The following EDEM1 variants were observed in gnomAD, a reference collection of about 807,000 sequenced individuals.
EDEM1 encodes the protein ER degradation-enhancing alpha-mannosidase-like protein 1.
Under a neutral mutation model 74.4 loss-of-function variants are expected in EDEM1, and 67 were observed. That is an observed-to-expected ratio of 0.90 (90% CI 0.74 to 1.10). EDEM1 has a LOEUF of 1.10. Among genes scored for constraint, EDEM1 ranks in the 50% least tolerant of loss-of-function variants. The probability of loss-of-function intolerance (pLI) is 0.00; values close to 1 mark genes in which losing one functional copy is unlikely to be tolerated. For synonymous variants in EDEM1, 382 were observed against 335.9 expected, an observed-to-expected ratio of 1.14 and a Z score of -1.50; for missense variants, 926 against 851.6, an observed-to-expected ratio of 1.09 and a Z score of -1.09.
rs1159601714 is a variant in EDEM1, at chr3:5,199,700, A to C, written c.686+5A>C. On this transcript the variant is annotated splice_donor_5th_base_variant and intron_variant, in intron 3 of 11. Coordinates refer to ENST00000256497, the MANE Select transcript of EDEM1 (RefSeq NM_014674.3). ...AGTCTTTGAGGCCACGATAAGGTAA[A>C]ATAATGAATATTCATAAAATGAATT... 94 of 1,603,344 alleles carry C rather than the reference A, an allele frequency of 5.9e-5. No individual in the cohort carries two copies. The highest frequency in any genetic ancestry group is 7.6e-5 in the Non-Finnish European group (89 of 1,174,096).
At chr3:5,207,009 C>G in intron 6 of EDEM1, 144 bp from the exon 7 acceptor site, 1 of 1,068,516 alleles carries the variant, frequency 9.4e-7, no homozygotes, top group Non-Finnish European at 1.3e-6. Context: ...TAAAGGCAGT[C>G]TGTCTGCAGA....
intron 1 of EDEM1, 85 bp downstream of exon 1, chr3:5,188,399 G>A (rs2054856479): frequency 7.7e-7 from 1 of 1,297,790 alleles, no homozygotes; most frequent in Non-Finnish European, 9.8e-7. Flanking sequence ...TGTCCTCCGG[G>A]GCCCCCGAGG....
Position 5,211,215 on chromosome 3 carries a change from T to C in EDEM1, c.1679T>C (p.Leu560Pro). The C allele has an allele frequency of 6.2e-7, 1 of 1,613,824 alleles. No homozygotes were observed. Among genetic ancestry groups the C allele is most frequent in the Non-Finnish European group, 8.5e-7 (1 of 1,179,716 alleles). The change falls in exon 10 of 12, where the codon CTG (leucine) becomes CCG (proline). Residue 560 changes from leucine (L) to proline (P), a missense_variant and splice_region_variant. Physicochemically the swap from Leu to Pro is moderately conservative, Grantham distance 98. Coordinates refer to ENST00000256497, the MANE Select transcript of EDEM1 (RefSeq NM_014674.3). ...FLSETCKYLYLLFDEDNPVHK... is the reference protein window; with the variant it reads ...FLSETCKYLYPLFDEDNPVHK... ...AGTGAGACCTGTAAATATTTGTATCTGGTATGTGTGTTGCAAGATGAACCC... is the reference window on the plus strand; with the variant it reads ...AGTGAGACCTGTAAATATTTGTATCCGGTATGTGTGTTGCAAGATGAACCC...
At chr3:5,195,703 A>G (rs954489260) in intron 2 of EDEM1, among the ~76,000 whole-genome samples, 1 of 152,222 alleles carries the variant, frequency 6.6e-6, no homozygotes, top group Admixed American at 6.5e-5. Context: ...TTGGAGCCCT[A>G]GCGCCCATCC....
chr3:5,206,282 A>G (rs1403572713), intron 6 of EDEM1, among the ~76,000 whole-genome samples: 1 of 149,858 alleles, frequency 6.7e-6, no homozygotes, highest in East Asian at 2.0e-4. Flanking sequence ...ATCTTGGCTC[A>G]CTGCAACCTC....
chr3:5,195,740 C>T (rs1329153418), intron 2 of EDEM1, among the ~76,000 whole-genome samples: 1 of 152,242 alleles, frequency 6.6e-6, no homozygotes, highest in Non-Finnish European at 1.5e-5. Context: ...AGAAACCCTT[C>T]TCTTTTATTT....
chr3:5,196,293 C>T (rs1161906468), intron 2 of EDEM1, among the ~76,000 whole-genome samples: 3 of 152,126 alleles, frequency 2.0e-5, no homozygotes, highest in Admixed American at 6.5e-5. Context: ...CCCTTCTCTA[C>T]TAAAAGTACA....
chr3:5,199,533 T>C (rs1297421191), intron 2 of EDEM1, 59 bp from the exon 3 acceptor site: 14 of 1,296,108 alleles, frequency 1.1e-5, no homozygotes, highest in Admixed American at 3.7e-5. Context: ...GCTGCTGTGA[T>C]GATACAGCCT....
chr3:5,206,019 T>C (rs1007630668), intron 6 of EDEM1, among the ~76,000 whole-genome samples: 1 of 152,132 alleles, frequency 6.6e-6, no homozygotes, highest in African/African-American at 2.4e-5. Context: ...TCTAATACTT[T>C]ACAAAGAACT....
chr3:5,214,385 A>G (rs542685129), intron 11 of EDEM1, among the ~76,000 whole-genome samples: 1 of 152,236 alleles, frequency 6.6e-6, no homozygotes, highest in African/African-American at 2.4e-5. Context: ...CTTTTCCGTT[A>G]ATGCCCCAGT....
intron 9 of EDEM1, 32 bp downstream of exon 9, chr3:5,210,280 C>T: frequency 6.3e-7 from 1 of 1,577,218 alleles, no homozygotes; most frequent in Non-Finnish European, 8.7e-7. Context: ...CTTTTTCTGT[C>T]AGCCACTTTT....
intron 5 of EDEM1, among the ~76,000 whole-genome samples, chr3:5,203,642 G>A (rs561862727): frequency 6.6e-6 from 1 of 152,164 alleles, no homozygotes; most frequent in Admixed American, 6.5e-5. Flanking sequence ...TCATAATATA[G>A]TAGAGAGAAA....
At chr3:5,191,386 G>T (rs1403684682) in intron 1 of EDEM1, among the ~76,000 whole-genome samples, 1 of 151,712 alleles carries the variant, frequency 6.6e-6, no homozygotes, top group African/African-American at 2.4e-5. Flanking sequence ...ACCATGCTCG[G>T]CTAATTTTTT....
rs149408231 is a variant in EDEM1, at chr3:5,201,594, A to C, written c.687-159A>C. On this transcript the variant is annotated intron_variant, in intron 3 of 11. Transcript: ENST00000256497. Reference sequence around the variant, plus strand: ...ACAAAAATCAATCGTGTATTCTTAGAGCTAGAAAGGAATTCAAGAGTCCAT... The same window carrying C: ...ACAAAAATCAATCGTGTATTCTTAGCGCTAGAAAGGAATTCAAGAGTCCAT... Among the ~76,000 whole-genome samples, 207 of 152,314 alleles carry C rather than the reference A, an allele frequency of 1.4e-3. 1 individual carries two copies. The highest frequency in any genetic ancestry group is 4.9e-3 in the African/African-American group (202 of 41,568).
chr3:5,204,629 C>T (rs1055825464), intron 5 of EDEM1, among the ~76,000 whole-genome samples: 9 of 152,170 alleles, frequency 5.9e-5, no homozygotes, highest in South Asian at 2.1e-4. Context: ...TGAGCTCAAG[C>T]GATCCACCTG....
chr3:5,205,259 C>T lies in EDEM1; in HGVS notation c.1217+18C>T, dbSNP rs538459554. The T allele has an allele frequency of 3.4e-5, 54 of 1,605,608 alleles. 1 individual carries two copies. The African/African-American group carries it at 6.7e-4, about 20-fold the overall frequency. The stretch of plus-strand genomic sequence containing the variant: ...AGAAGAGGGTATGTCTCCCTAACAT[C>T]TCCTCTGTTGCCTTGTAAAGCAAAT... On this transcript the variant is annotated intron_variant, in intron 6 of 11. Coordinates refer to ENST00000256497, the MANE Select transcript of EDEM1 (RefSeq NM_014674.3).
chr3:5,196,461 GAC>G (rs34441448), intron 2 of EDEM1, among the ~76,000 whole-genome samples: 5 of 148,746 alleles, frequency 3.4e-5, no homozygotes, highest in African/African-American at 7.4e-5. Flanking sequence ...CATCTCTGGA[GAC>G]ACACACACAC....
intron 9 of EDEM1, among the ~76,000 whole-genome samples, chr3:5,210,762 A>G (rs1335775334): frequency 6.6e-6 from 1 of 152,012 alleles, no homozygotes; most frequent in Non-Finnish European, 1.5e-5. Flanking sequence ...TACTCAAATA[A>G]TAAGTCAATT....
In EDEM1 at chr3:5,199,618, G is replaced by T; in HGVS notation, c.609G>T (p.Gln203His). 3 of 1,613,446 alleles carry T rather than the reference G, an allele frequency of 1.9e-6. No homozygotes were observed. The highest frequency in any genetic ancestry group is 2.5e-6 in the Non-Finnish European group (3 of 1,179,770). Residue 203 changes from glutamine to histidine, a missense_variant, in exon 3 of 12, where the codon CAG becomes CAT. Physicochemically the swap from Gln to His is conservative, Grantham distance 24 (BLOSUM62 0). Transcript: ENST00000256497. ...LAIMGNSSEF[Q>H]KAVKLVINTV... Reference sequence around the variant, plus strand: ...TAATGGGAAATTCATCCGAGTTCCAGAAAGCCGTCAAGTTAGTGATCAACA... The same window carrying T: ...TAATGGGAAATTCATCCGAGTTCCATAAAGCCGTCAAGTTAGTGATCAACA...
Sources: allele counts gnomAD v4.1 joint callset (sites outside exome capture counted in the v4.1 genomes callset), GRCh38; gene constraint gnomAD v4.1.1; transcripts MANE v1.5; gene names NCBI Gene and HGNC (gene_info 2026-07-23, HGNC 2026-07-21).